ZFPM1: variants seen among roughly 807,000 people sequenced by gnomAD.
ZFPM1 encodes zinc finger protein ZFPM1.
A neutral mutation model predicts 46.3 loss-of-function variants in ZFPM1; 28 were observed. That is an observed-to-expected ratio of 0.60 (90% confidence interval 0.45 to 0.83). ZFPM1 has a LOEUF of 0.83. Ranked by LOEUF, ZFPM1 falls within the 40% of genes least tolerant of loss-of-function variation. The pLI, the probability that ZFPM1 is intolerant of heterozygous loss-of-function variation, is 0.00. For missense variants in ZFPM1, 1,878 were observed against 1,432.4 expected, an observed-to-expected ratio of 1.31 and a Z score of -5.02; for synonymous variants, 957 against 675.9, an observed-to-expected ratio of 1.42 and a Z score of -6.45.
chr16:88,508,536 A>G (rs1910782445), intron 3 of ZFPM1, among the ~76,000 whole-genome samples: 1 of 152,198 alleles, frequency 6.6e-6, no homozygotes, highest in African/African-American at 2.4e-5. Flanking sequence ...TCCTGGGCAC[A>G]GGCCCATCCC....
chr16:88,499,987 G>A (rs938494218), intron 3 of ZFPM1, among the ~76,000 whole-genome samples: 15 of 152,336 alleles, frequency 9.8e-5, no homozygotes, highest in African/African-American at 2.9e-4. Context: ...GCGGGGGCCG[G>A]GCCTGGCTGC....
Position 88,514,460 on chromosome 16 carries a change from C to T in ZFPM1, c.342C>T (p.Ser114=), listed in dbSNP as rs1285478218. 10 of 1,560,080 alleles carry T rather than the reference C, an allele frequency of 6.4e-6. No homozygotes were observed. The highest frequency in any genetic ancestry group is 8.7e-6 in the Non-Finnish European group (10 of 1,152,488). ...RARLSLATGL[S]WGPFHGSVQT... ...GACTCAGCCTCGCCACGGGCCTGTC[C>T]TGGGGCCCGTTCCATGGGAGTGTCC... The change falls in exon 4 of 10, where the codon TCC becomes TCT. Residue 114 remains serine (S), a synonymous_variant. Coordinates refer to ENST00000319555, the MANE Select transcript of ZFPM1 (RefSeq NM_153813.3).
At chr16:88,492,204 TCTCTCTCCATGC>T (rs991293297) in intron 3 of ZFPM1, among the ~76,000 whole-genome samples, 5 of 151,992 alleles carry the variant, frequency 3.3e-5, no homozygotes, top group African/African-American at 9.6e-5. Flanking sequence ...TCTCTCTCTG[TCTCTCTCCATGC>T]CTCTCTCCCT....
At chr16:88,473,570 C>T (rs1169640030) in intron 1 of ZFPM1, among the ~76,000 whole-genome samples, 1 of 151,908 alleles carries the variant, frequency 6.6e-6, no homozygotes, top group African/African-American at 2.4e-5. Context: ...CCTGGGGGAC[C>T]CCTGCTCCCT....
At chr16:88,482,943 G>A (rs1378590700) in intron 1 of ZFPM1, among the ~76,000 whole-genome samples, 1 of 152,208 alleles carries the variant, frequency 6.6e-6, no homozygotes, top group East Asian at 1.9e-4. Flanking sequence ...GGGAGGGGAG[G>A]CCTCGGTGGC....
intron 2 of ZFPM1, among the ~76,000 whole-genome samples, chr16:88,487,351 A>G (rs1909288062): frequency 6.6e-6 from 1 of 152,194 alleles, no homozygotes; most frequent in Non-Finnish European, 1.5e-5. Context: ...CTTTGCACAC[A>G]GACTGTGAAT....
intron 3 of ZFPM1, among the ~76,000 whole-genome samples, chr16:88,503,429 G>A (rs1254074211): frequency 1.5e-5 from 2 of 130,312 alleles, no homozygotes; most frequent in South Asian, 2.6e-4. Flanking sequence ...GGGGGCCCAC[G>A]GTTCCGGAGT....
intron 1 of ZFPM1, among the ~76,000 whole-genome samples, chr16:88,456,771 G>GA (rs1311768196): frequency 6.6e-6 from 1 of 152,182 alleles, no homozygotes; most frequent in Admixed American, 6.5e-5. Flanking sequence ...CTCCCACTCT[G>GA]AAAAATGGAA....
chr16:88,487,511 T>C (rs1329220672), intron 2 of ZFPM1, among the ~76,000 whole-genome samples: 1 of 151,948 alleles, frequency 6.6e-6, no homozygotes, highest in African/African-American at 2.4e-5. Flanking sequence ...TGACAGCAGG[T>C]CCAAAGGCTC....
chr16:88,525,206 G>A (rs564345625), intron 4 of ZFPM1, among the ~76,000 whole-genome samples: 33 of 152,346 alleles, frequency 2.2e-4, no homozygotes, highest in Admixed American at 1.4e-3. Context: ...CAGGGAGGCC[G>A]AGCCTGGCTG....
chr16:88,483,474 G>A (rs1450268353), intron 1 of ZFPM1, among the ~76,000 whole-genome samples: 4 of 152,128 alleles, frequency 2.6e-5, no homozygotes, highest in Non-Finnish European at 5.9e-5. Flanking sequence ...GGCCCCCTCT[G>A]CCAGAGCTGT....
At chr16:88,522,673 TCCGC>T (rs1911990607) in intron 4 of ZFPM1, among the ~76,000 whole-genome samples, 1 of 152,046 alleles carries the variant, frequency 6.6e-6, no homozygotes, top group Non-Finnish European at 1.5e-5. Flanking sequence ...CATTCTCAGG[TCCGC>T]CCGGGGAATT....
chr16:88,533,005 C>T (rs1912919866), intron 9 of ZFPM1, 70 bp downstream of exon 9: 5 of 1,587,154 alleles, frequency 3.2e-6, no homozygotes, highest in South Asian at 2.2e-5. Flanking sequence ...GTGGGCTTGT[C>T]GCCCAAGACA....
upstream of ZFPM1, among the ~76,000 whole-genome samples, chr16:88,452,842 G>A (rs1346226472): frequency 6.6e-6 from 1 of 152,232 alleles, no homozygotes; most frequent in African/African-American, 2.4e-5. Flanking sequence ...AGGATGCGGT[G>A]CCGCGGGGCA....
intron 1 of ZFPM1, among the ~76,000 whole-genome samples, chr16:88,462,016 G>A (rs974953657): frequency 3.9e-5 from 6 of 152,228 alleles, no homozygotes; most frequent in East Asian, 1.9e-4. Context: ...ATCGGCCGGC[G>A]GCCTCCCCAT....
At position 88,497,888 on chromosome 16, in the gene ZFPM1, A is replaced by G. The variant is rs969071961; in HGVS notation, c.268+8735A>G. On this transcript the variant is annotated intron_variant, in intron 3 of 9. Coordinates refer to ENST00000319555, the MANE Select transcript of ZFPM1 (RefSeq NM_153813.3). This position sits in a 1 kb window ranked among gnomAD's most constrained non-coding sequence, Gnocchi z 5.4. ...CGGCGGAGCGTCTACGCAAACCTCA[A>G]GGCCTGCTATCGGGTGGAGGCTGAG... Among the ~76,000 whole-genome samples, 2 of 152,158 alleles carry G rather than the reference A, an allele frequency of 1.3e-5. No individual in the cohort carries two copies. The highest frequency in any genetic ancestry group is 2.4e-5 in the African/African-American group (1 of 41,446).
rs1042278669 is a variant in ZFPM1, at chr16:88,536,491, G to C, written c.*1512G>C. The C allele has an allele frequency of 6.6e-6, 1 of 152,226 alleles. No individual in the cohort carries two copies. Among genetic ancestry groups the C allele is most frequent in the Non-Finnish European group, 1.5e-5 (1 of 68,044 alleles). 9.4% of individuals were successfully genotyped at this position (152,226 alleles called of 1,614,324 possible). ...TCCCAGCCCATTTCCAACTCTACTT[G>C]AACTAGCTGCATTTTTTTCAGCTTT... On this transcript the variant is annotated 3_prime_UTR_variant, in exon 10 of 10. Coordinates refer to ENST00000319555, the MANE Select transcript of ZFPM1 (RefSeq NM_153813.3).
intron 3 of ZFPM1, 24 bp from the exon 4 acceptor site, chr16:88,514,363 C>G: frequency 6.4e-7 from 1 of 1,559,974 alleles, no homozygotes; most frequent in Non-Finnish European, 8.7e-7. Context: ...GGGCACGCCT[C>G]ATGCCTGCGA....
intron 3 of ZFPM1, among the ~76,000 whole-genome samples, chr16:88,499,389 G>A (rs957237011): frequency 8.2e-4 from 84 of 102,504 alleles, no homozygotes; most frequent in African/African-American, 2.3e-3. Flanking sequence ...AGCCGCGGAG[G>A]AGAAGAGAGC....
Sources: allele counts gnomAD v4.1 joint callset (sites outside exome capture counted in the v4.1 genomes callset), GRCh38; gene constraint gnomAD v4.1.1; non-coding constraint Gnocchi (gnomAD v3.1); transcripts MANE v1.5; gene names NCBI Gene and HGNC (gene_info 2026-07-23, HGNC 2026-07-21).